The following HNRNPC variants were observed in gnomAD, a reference collection of about 807,000 sequenced individuals.
HNRNPC encodes heterogeneous nuclear ribonucleoproteins C1/C2.
In HNRNPC, 3 loss-of-function variants were observed where a neutral mutation model predicts 33.2. That is an observed-to-expected ratio of 0.09 (90% CI 0.04 to 0.23). The LOEUF (loss-of-function observed/expected upper bound fraction) is 0.23, where lower values mean the gene tolerates loss of function less well. HNRNPC is among the 10% of genes least tolerant of loss of function. The pLI is 1.00. For synonymous variants in HNRNPC, 121 were observed against 126.7 expected (o/e 0.96, Z 0.30); for missense variants, 143 against 366.7 (o/e 0.39, Z 4.98).
At chr14:21,263,199 CCAT>C (rs1191092252) in intron 2 of HNRNPC, 109 bp downstream of exon 2, 1 of 152,104 alleles carries the variant, frequency 6.6e-6, no homozygotes, top group South Asian at 2.1e-4. Context: ...ATCATCATCA[CCAT>C]CATAAGTATT....
chr14:21,215,674 G>A (rs1201856942), intron 5 of HNRNPC, among the ~76,000 whole-genome samples: 1 of 152,162 alleles, frequency 6.6e-6, no homozygotes, highest in Non-Finnish European at 1.5e-5. Context: ...GCGGAGGCAG[G>A]TGGATCATGA....
chr14:21,255,650 A>C (rs1296028786), intron 2 of HNRNPC, among the ~76,000 whole-genome samples: 1 of 152,144 alleles, frequency 6.6e-6, no homozygotes, highest in African/African-American at 2.4e-5. Context: ...TAGAAGGAAA[A>C]TACTACCACA....
intron 7 of HNRNPC, 27 bp downstream of exon 7, chr14:21,211,783 C>A: frequency 1.9e-6 from 3 of 1,590,062 alleles, no homozygotes; most frequent in Non-Finnish European, 2.6e-6. Flanking sequence ...CAACTGTATA[C>A]CAAGGGCAAG....
At chr14:21,224,628 T>C (rs943764648) in intron 5 of HNRNPC, among the ~76,000 whole-genome samples, 3 of 152,184 alleles carry the variant, frequency 2.0e-5, no homozygotes, top group Non-Finnish European at 4.4e-5. Context: ...ATGTTTACCA[T>C]TTAACACATC....
In HNRNPC at chr14:21,210,948, C is replaced by A; in HGVS notation, c.*275G>T. 2.2e-6 allele frequency: 1 copy of A among 459,984 alleles called. No individual in the cohort carries two copies. The highest frequency in any genetic ancestry group is 3.9e-6 in the Non-Finnish European group (1 of 257,112). 28.5% of individuals were successfully genotyped at this position (459,984 alleles called of 1,614,324 possible). On this transcript the variant is annotated 3_prime_UTR_variant, in exon 9 of 9. Transcript: ENST00000553300. ...TTGGAGACAGTTGATAAAAACCATACATCCTTTTTATTGTTAAGTCATAAA... is the reference window on the plus strand; with the variant it reads ...TTGGAGACAGTTGATAAAAACCATAAATCCTTTTTATTGTTAAGTCATAAA...
chr14:21,253,803 G>A (rs143335891), intron 2 of HNRNPC, among the ~76,000 whole-genome samples: 11 of 151,624 alleles, frequency 7.3e-5, no homozygotes, highest in Admixed American at 4.6e-4. Flanking sequence ...CGGTGGCTCA[G>A]GCCTGTAATC....
At chr14:21,222,902 AC>A (rs1454044356) in intron 5 of HNRNPC, among the ~76,000 whole-genome samples, 1 of 151,184 alleles carries the variant, frequency 6.6e-6, no homozygotes, top group Non-Finnish European at 1.5e-5. Flanking sequence ...TCAAAAAAAA[AC>A]CAAAACAAAA....
chr14:21,257,519 A>T (rs930755938), intron 2 of HNRNPC, among the ~76,000 whole-genome samples: 1 of 151,846 alleles, frequency 6.6e-6, no homozygotes, highest in Non-Finnish European at 1.5e-5. Flanking sequence ...ACCACAAATA[A>T]TTTTTTTCTA....
intron 6 of HNRNPC, among the ~76,000 whole-genome samples, chr14:21,212,646 G>A (rs745499836): frequency 2.6e-5 from 4 of 151,694 alleles, no homozygotes; most frequent in Non-Finnish European, 5.9e-5. Flanking sequence ...GGGTAAAAGC[G>A]ATTCTCCTGC....
intron 5 of HNRNPC, among the ~76,000 whole-genome samples, chr14:21,222,024 G>C (rs1227317100): frequency 9.6e-6 from 1 of 104,228 alleles, no homozygotes; most frequent in East Asian, 3.2e-4. Context: ...TTGAGTGACA[G>C]AGCAAGACTC....
intron 2 of HNRNPC, among the ~76,000 whole-genome samples, chr14:21,250,003 G>A (rs915505356): frequency 2.0e-5 from 3 of 152,080 alleles, no homozygotes; most frequent in African/African-American, 7.2e-5. Context: ...TAAAACACAG[G>A]AAGGTCTTAT....
At chr14:21,225,020 G>A (rs557787442) in intron 5 of HNRNPC, among the ~76,000 whole-genome samples, 1 of 152,228 alleles carries the variant, frequency 6.6e-6, no homozygotes, top group African/African-American at 2.4e-5. Flanking sequence ...CAGTCTTTTT[G>A]AACCAGGTTT....
chr14:21,226,725 C>T (rs1893483060), intron 5 of HNRNPC, among the ~76,000 whole-genome samples: 1 of 151,740 alleles, frequency 6.6e-6, no homozygotes, highest in African/African-American at 2.4e-5. Context: ...ACTGAAAATA[C>T]AAAAATTAGT....
intron 1 of HNRNPC, among the ~76,000 whole-genome samples, chr14:21,268,414 T>C (rs1879373737): frequency 6.6e-6 from 1 of 152,200 alleles, no homozygotes; most frequent in Non-Finnish European, 1.5e-5. Context: ...TCCAGTTACC[T>C]CGTGGTTTCC....
chr14:21,229,313 G>T (rs1460665923), intron 5 of HNRNPC, among the ~76,000 whole-genome samples: 3 of 149,184 alleles, frequency 2.0e-5, no homozygotes, highest in South Asian at 4.2e-4. Flanking sequence ...GCAGCTTGCA[G>T]TGAGCCAAGA....
chr14:21,234,271 A>G, intron 2 of HNRNPC, 42 bp from the exon 3 acceptor site: 1 of 1,514,202 alleles, frequency 6.6e-7, no homozygotes, highest in South Asian at 1.2e-5. Flanking sequence ...AGATGCTAAA[A>G]ACAATATTCC....
chr14:21,222,187 G>A (rs778777317), intron 5 of HNRNPC, among the ~76,000 whole-genome samples: 1 of 151,788 alleles, frequency 6.6e-6, no homozygotes, highest in Non-Finnish European at 1.5e-5. Flanking sequence ...AGATATGAAT[G>A]TAAGTGGAGC....
chr14:21,223,561 C>A (rs1893086759), intron 5 of HNRNPC, among the ~76,000 whole-genome samples: 1 of 152,038 alleles, frequency 6.6e-6, no homozygotes, highest in Non-Finnish European at 1.5e-5. Context: ...TGAGCCTGGG[C>A]AACATGACAA....
chr14:21,254,060 C>CAAA, intron 2 of HNRNPC, among the ~76,000 whole-genome samples: 1 of 52,022 alleles, frequency 1.9e-5, no homozygotes, highest in South Asian at 5.8e-4. Context: ...GATTCCGTCT[C>CAAA]AAAAAAAAAA....
Sources: allele counts gnomAD v4.1 joint callset (sites outside exome capture counted in the v4.1 genomes callset), GRCh38; gene constraint gnomAD v4.1.1; transcripts MANE v1.5; gene names NCBI Gene and HGNC (gene_info 2026-07-23, HGNC 2026-07-21).